Variants in ATRX observed in about 807,000 individuals in gnomAD.
The protein encoded by ATRX is ATRX chromatin remodeler, also known as chromatin remodeler ATRX.
ATRX carries 12 observed loss-of-function variants against 172.6 expected under a neutral mutation model. The ratio of observed to expected loss-of-function variants is 0.07; its 90% confidence interval spans 0.04 to 0.11. The LOEUF (loss-of-function observed/expected upper bound fraction) is 0.11. ATRX is among the 10% of genes least tolerant of loss of function. ATRX has a pLI of 1.00. For synonymous variants in ATRX, 674 were observed against 594.7 expected (o/e 1.13, Z -1.94); for missense variants, 1,368 against 1,767.4 (o/e 0.77, Z 4.05).
intron 1 of ATRX, among the ~76,000 whole-genome samples, chrX:77,774,045 C>CA (rs1350554798): frequency 1.8e-5 from 2 of 109,498 alleles, no homozygotes; most frequent in African/African-American, 6.7e-5. Context: ...CAATATGGTG[C>CA]AACCCCATCT....
intron 2 of ATRX, among the ~76,000 whole-genome samples, chrX:77,701,010 C>T (rs1557153093): frequency 8.9e-6 from 1 of 111,834 alleles, no homozygotes; most frequent in Non-Finnish European, 1.9e-5. Context: ...TGTATAACAC[C>T]AAGAGTGAAC....
At chrX:77,547,092 T>C in intron 30 of ATRX, among the ~76,000 whole-genome samples, 1 of 112,016 alleles carries the variant, frequency 8.9e-6, no homozygotes, top group Admixed American at 9.5e-5. Flanking sequence ...GTAAAAAAGC[T>C]TACCATTTAA....
Position 77,636,074 on chromosome X carries a change from G to A in ATRX, c.4558-18C>T, listed in dbSNP as rs2148361422. On this transcript the variant is annotated intron_variant, in intron 15 of 34. Transcript: ENST00000373344. Reference sequence around the variant, plus strand: ...TCTATCACCTACAAGAAAAGGAGTTGTTGATAGTTAAGCTCAAAGAAATCA... The same window carrying A: ...TCTATCACCTACAAGAAAAGGAGTTATTGATAGTTAAGCTCAAAGAAATCA... The A allele has an allele frequency of 8.3e-7, 1 of 1,207,713 alleles. No homozygotes were observed. Among genetic ancestry groups the A allele is most frequent in the Non-Finnish European group, 1.1e-6 (1 of 892,290 alleles).
At chrX:77,553,729 G>T (rs2064653409) in intron 30 of ATRX, among the ~76,000 whole-genome samples, 1 of 111,753 alleles carries the variant, frequency 8.9e-6, no homozygotes, top group South Asian at 3.7e-4. Flanking sequence ...CAGTTACCCA[G>T]TTCTACTTTC....
intron 28 of ATRX, among the ~76,000 whole-genome samples, chrX:77,569,070 C>T (rs1557066064): frequency 9.0e-6 from 1 of 110,856 alleles, no homozygotes. Flanking sequence ...GGTATGATCA[C>T]ACCACAGAAC....
At chrX:77,761,061 G>C (rs2075699255) in intron 1 of ATRX, among the ~76,000 whole-genome samples, 1 of 111,699 alleles carries the variant, frequency 9.0e-6, no homozygotes, top group South Asian at 3.7e-4. Flanking sequence ...TATTCAGGGA[G>C]TTCATAATGT....
At chrX:77,607,296 G>A (rs1017051415) in intron 22 of ATRX, among the ~76,000 whole-genome samples, 3 of 112,357 alleles carry the variant, frequency 2.7e-5, no homozygotes, top group Admixed American at 9.4e-5. Context: ...CAGTAAAGTG[G>A]CAAGTAACAA....
chrX:77,600,438 T>C lies in ATRX; in HGVS notation c.5693A>G (p.Asn1898Ser), dbSNP rs797044686. The change falls in exon 23 of 35, where the codon AAT (asparagine) becomes AGT (serine). Residue 1898 changes from asparagine (N) to serine (S), a missense_variant. Around this residue, in one of 17 missense-constraint regions of ATRX, gnomAD observed 5 missense variants for 36.2 expected, o/e 0.14. Transcript: ENST00000373344. ...CLQLDYISKE[N>S]KGYFDEDSMD... ...AAACTAAGTTACCTGACTTACCTTATTTTCTTTGCTAATGTAGTCTAGCTG... is the reference window on the plus strand; with the variant it reads ...AAACTAAGTTACCTGACTTACCTTACTTTCTTTGCTAATGTAGTCTAGCTG... 1 of 1,210,485 alleles carries C rather than the reference T, an allele frequency of 8.3e-7. No homozygotes were observed. The highest frequency in any genetic ancestry group is 1.1e-6 in the Non-Finnish European group (1 of 894,555).
chrX:77,657,150 G>C (rs1557120276), intron 12 of ATRX, among the ~76,000 whole-genome samples: 1 of 111,087 alleles, frequency 9.0e-6, no homozygotes, highest in South Asian at 3.8e-4. Context: ...GTGGAGGGGA[G>C]AGAGCTGTGA....
chrX:77,511,235 A>G (rs954028647), intron 34 of ATRX, among the ~76,000 whole-genome samples: 2 of 112,185 alleles, frequency 1.8e-5, no homozygotes, highest in Non-Finnish European at 3.8e-5. Context: ...GAGTCACAGC[A>G]TTACCCGGTT....
At chrX:77,516,116 C>T (rs1341710217) in intron 34 of ATRX, among the ~76,000 whole-genome samples, 1 of 111,663 alleles carries the variant, frequency 9.0e-6, no homozygotes, top group African/African-American at 3.3e-5. Flanking sequence ...GGAAAAATAA[C>T]TTATGGGTGC....
chrX:77,604,311 T>C (rs905024307), intron 22 of ATRX, among the ~76,000 whole-genome samples: 1 of 111,658 alleles, frequency 9.0e-6, no homozygotes, highest in African/African-American at 3.3e-5. Flanking sequence ...ACAAAACAAA[T>C]AATTCCATTA....
At chrX:77,509,596 G>A (rs2062798197) in intron 34 of ATRX, among the ~76,000 whole-genome samples, 1 of 111,295 alleles carries the variant, frequency 9.0e-6, no homozygotes, top group Non-Finnish European at 1.9e-5. Flanking sequence ...CAGCCGTGTG[G>A]CAGGGAGAGA....
chrX:77,662,986 T>C (rs1055365164), intron 12 of ATRX, among the ~76,000 whole-genome samples: 2 of 112,389 alleles, frequency 1.8e-5, no homozygotes, highest in Admixed American at 1.9e-4. Flanking sequence ...TGAGCCACCG[T>C]GCCTGGCCAT....
intron 22 of ATRX, among the ~76,000 whole-genome samples, chrX:77,606,037 G>C: frequency 9.0e-6 from 1 of 110,921 alleles, no homozygotes; most frequent in Non-Finnish European, 1.9e-5. Flanking sequence ...AATCTACTAA[G>C]ATTGAACCAG....
intron 26 of ATRX, among the ~76,000 whole-genome samples, chrX:77,593,042 G>A (rs369384318): frequency 4.6e-5 from 5 of 107,742 alleles, no homozygotes; most frequent in East Asian, 2.9e-4. Flanking sequence ...TGGGCAACAC[G>A]GTGAAACCCT....
At chrX:77,687,701 C>G (rs971592706) in intron 7 of ATRX, among the ~76,000 whole-genome samples, 5 of 111,908 alleles carry the variant, frequency 4.5e-5, no homozygotes, top group African/African-American at 1.6e-4. Context: ...AGGCCCCTGG[C>G]TGAACTGAAT....
chrX:77,549,049 C>T (rs781835220), intron 30 of ATRX, among the ~76,000 whole-genome samples: 3 of 111,737 alleles, frequency 2.7e-5, no homozygotes, highest in South Asian at 3.7e-4. Flanking sequence ...GCTGTGTATA[C>T]TGTACTTAAG....
At chrX:77,662,140 T>C (rs1357780524) in intron 12 of ATRX, among the ~76,000 whole-genome samples, 2 of 111,881 alleles carry the variant, frequency 1.8e-5, no homozygotes, top group African/African-American at 6.5e-5. Context: ...TGCCACATTA[T>C]ATAATTACGT....
Sources: gnomAD v4.1 joint callset for allele counts (sites outside exome capture counted in the v4.1 genomes callset) on GRCh38, gnomAD v4.1.1 for gene constraint, gnomAD v4.1.1 regional missense constraint, MANE v1.5 for transcripts, NCBI Gene and HGNC (gene_info 2026-07-23, HGNC 2026-07-21) for gene names.